TMEM163: variants seen among roughly 807,000 people sequenced by gnomAD.
TMEM163 encodes the protein transmembrane protein 163.
Under a neutral mutation model 29.3 loss-of-function variants are expected in TMEM163, and 17 were observed. The ratio of observed to expected loss-of-function variants is 0.58; its 90% CI spans 0.40 to 0.87. The LOEUF (loss-of-function observed/expected upper bound fraction) is 0.87. Among genes scored for constraint, TMEM163 ranks in the 40% least tolerant of loss-of-function variants. TMEM163 has a pLI of 0.00. For missense variants in TMEM163, 303 were observed against 381.5 expected, an observed-to-expected ratio of 0.79 and a Z score of 1.71; for synonymous variants, 157 against 160.6, an observed-to-expected ratio of 0.98 and a Z score of 0.17.
At chr2:134,681,318 G>A (rs1241399656) in intron 2 of TMEM163, among the ~76,000 whole-genome samples, 1 of 152,140 alleles carries the variant, frequency 6.6e-6, no homozygotes, top group Non-Finnish European at 1.5e-5. Context: ...TCCATGCCGG[G>A]AAGGCTGGCT....
intron 2 of TMEM163, among the ~76,000 whole-genome samples, chr2:134,618,067 T>C (rs1221889843): frequency 6.6e-6 from 1 of 151,894 alleles, no homozygotes; most frequent in Non-Finnish European, 1.5e-5. Flanking sequence ...TGAGCCATGA[T>C]CACATCACTA....
intron 2 of TMEM163, among the ~76,000 whole-genome samples, chr2:134,626,310 G>C (rs1294942897): frequency 6.6e-6 from 1 of 151,850 alleles, no homozygotes; most frequent in African/African-American, 2.4e-5. Context: ...TCACCATGTT[G>C]GCCAGGCTGG....
At chr2:134,498,846 C>T (rs946064102) in intron 5 of TMEM163, among the ~76,000 whole-genome samples, 43 of 152,302 alleles carry the variant, frequency 2.8e-4, no homozygotes, top group African/African-American at 8.2e-4. Flanking sequence ...GACAGGAGGC[C>T]GGAGCCAAAA....
At chr2:134,587,538 C>T (rs147833201) in intron 2 of TMEM163, among the ~76,000 whole-genome samples, 146 of 152,318 alleles carry the variant, frequency 9.6e-4, no homozygotes, top group African/African-American at 3.4e-3. Flanking sequence ...TCTTCCTGCA[C>T]GTCCAGGTCA....
rs544200772 is a variant in TMEM163 at position 134,649,393 on chromosome 2, G to A, written c.322+63807C>T. ...TCAGTGACCAATACACCCTCAAAGC[G>A]CTAATGCATTGGAAATGTTTATAAT... On this transcript the variant is annotated intron_variant, in intron 2 of 7. Coordinates refer to ENST00000281924, the MANE Select transcript of TMEM163 (RefSeq NM_030923.5). Among the ~76,000 whole-genome samples, 11 of 152,210 alleles carry A rather than the reference G, an allele frequency of 7.2e-5. 1 individual carries two copies. In the East Asian group the frequency reaches 7.7e-4, roughly 11 times the overall value.
At chr2:134,482,383 C>A (rs1263680796) in intron 5 of TMEM163, among the ~76,000 whole-genome samples, 1 of 152,152 alleles carries the variant, frequency 6.6e-6, no homozygotes, top group Non-Finnish European at 1.5e-5. Flanking sequence ...TCCCAACCCA[C>A]CCTTTCCCCT....
chr2:134,674,486 G>GGCGCGC (rs752979552), intron 2 of TMEM163, among the ~76,000 whole-genome samples: 43 of 91,606 alleles, frequency 4.7e-4, no homozygotes, highest in Middle Eastern at 7.7e-3. Context: ...TGGGACTACA[G>GGCGCGC]GCGCGCGCGC....
chr2:134,603,772 CATTGAT>C (rs1399245872), intron 2 of TMEM163, among the ~76,000 whole-genome samples: 1 of 135,020 alleles, frequency 7.4e-6, no homozygotes, highest in Non-Finnish European at 1.5e-5. Flanking sequence ...ATGACAGGAA[CATTGAT>C]ATAGCTGGCA....
At chr2:134,492,427 A>G (rs1223126814) in intron 5 of TMEM163, among the ~76,000 whole-genome samples, 1 of 152,190 alleles carries the variant, frequency 6.6e-6, no homozygotes, top group Non-Finnish European at 1.5e-5. Context: ...TTAACAGACT[A>G]ACGTATCTGT....
chr2:134,590,891 G>C (rs1321375984), intron 2 of TMEM163, among the ~76,000 whole-genome samples: 1 of 152,166 alleles, frequency 6.6e-6, no homozygotes, highest in African/African-American at 2.4e-5. Context: ...ACAGATGGGG[G>C]AACTTACACA....
At chr2:134,659,813 G>T (rs1354223397) in intron 2 of TMEM163, among the ~76,000 whole-genome samples, 1 of 152,026 alleles carries the variant, frequency 6.6e-6, no homozygotes, top group South Asian at 2.1e-4. Flanking sequence ...GGGTGGTGGT[G>T]TGAGCCTGTA....
At position 134,564,071 on chromosome 2, in the gene TMEM163, G is replaced by A. The variant is rs182893133; in HGVS notation, c.323-11980C>T. Among the ~76,000 whole-genome samples the A allele has an allele frequency of 3.2e-3, 486 of 152,106 alleles. 6 individuals carry two copies. The highest frequency in any genetic ancestry group is 0.011 in the African/African-American group (467 of 41,496). ...ACTGCGGCAGCAGTGGCGGTGGCAG[G>A]GTGGGCAGGGAGAATAGCCAAGACA... On this transcript the variant is annotated intron_variant, in intron 2 of 7. Transcript: ENST00000281924.
intron 4 of TMEM163, 118 bp from the exon 5 acceptor site, chr2:134,503,115 AC>A: frequency 1.0e-6 from 1 of 995,100 alleles, no homozygotes; most frequent in Non-Finnish European, 1.5e-6. Context: ...AATTTGCCAC[AC>A]CCCCAGGGTG....
chr2:134,646,085 G>A (rs1683329011), intron 2 of TMEM163, among the ~76,000 whole-genome samples: 1 of 151,144 alleles, frequency 6.6e-6, no homozygotes, highest in African/African-American at 2.4e-5. Flanking sequence ...GTAACTTGCG[G>A]AATGGCTTTT....
chr2:134,598,988 G>C (rs1000753470), intron 2 of TMEM163, among the ~76,000 whole-genome samples: 3 of 131,358 alleles, frequency 2.3e-5, no homozygotes, highest in African/African-American at 8.5e-5. Context: ...TAAATGCTTT[G>C]AAAGGACTCA....
intron 4 of TMEM163, among the ~76,000 whole-genome samples, chr2:134,543,826 A>G (rs1680725817): frequency 6.6e-6 from 1 of 152,204 alleles, no homozygotes; most frequent in African/African-American, 2.4e-5. Flanking sequence ...GGGAAGACAC[A>G]CAAAGGACTT....
intron 4 of TMEM163, among the ~76,000 whole-genome samples, chr2:134,536,713 T>TAA (rs1252169362): frequency 6.6e-6 from 1 of 152,166 alleles, no homozygotes; most frequent in African/African-American, 2.4e-5. Flanking sequence ...CGAAGCATAC[T>TAA]AAGAAAGTCA....
chr2:134,684,054 G>C (rs938573902), intron 2 of TMEM163, among the ~76,000 whole-genome samples: 3 of 152,114 alleles, frequency 2.0e-5, no homozygotes, highest in African/African-American at 7.2e-5. Flanking sequence ...AGTTGCATGT[G>C]TTAGGACCAA....
chr2:134,550,778 G>A lies in TMEM163; in HGVS notation c.367-117C>T, dbSNP rs563573598. ...TCTGCATGAGTAAACTCTGAGCAAA[G>A]AGGTCTCCCATCATTACGACGCAGC... On this transcript the variant is annotated intron_variant, in intron 3 of 7. Transcript: ENST00000281924. 1.4e-5 allele frequency: 14 copies of A among 977,002 alleles called. No homozygotes were observed. In the East Asian group the frequency reaches 3.5e-4, roughly 25 times the overall value. The allele number at this position is 977,002 out of a possible 1,614,324, so 60.5% of individuals were successfully genotyped here. A position where few individuals can be genotyped will look rare whatever the true frequency, so the allele number is the denominator to read the frequency against.
Sources: gnomAD v4.1 joint callset for allele counts (sites outside exome capture counted in the v4.1 genomes callset) on GRCh38, gnomAD v4.1.1 for gene constraint, MANE v1.5 for transcripts, NCBI Gene and HGNC (gene_info 2026-07-23, HGNC 2026-07-21) for gene names.